Variants in CCDC85A observed in about 807,000 individuals in gnomAD.
CCDC85A encodes the protein coiled-coil domain-containing protein 85A.
In CCDC85A, 38 loss-of-function variants were observed where a neutral mutation model predicts 50.2. The ratio of observed to expected loss-of-function variants is 0.76; its 90% CI spans 0.58 to 0.99. The LOEUF is 0.99. CCDC85A is among the 50% of genes least tolerant of loss of function. The pLI, the probability that CCDC85A is intolerant of heterozygous loss-of-function variation, is 0.00. For synonymous variants in CCDC85A, 366 were observed against 301.4 expected (o/e 1.21, Z -2.22); for missense variants, 820 against 742.0 (o/e 1.11, Z -1.22).
intron 2 of CCDC85A, among the ~76,000 whole-genome samples, chr2:56,333,143 TTTGATG>T (rs1361476817): frequency 6.6e-6 from 1 of 152,158 alleles, no homozygotes. Flanking sequence ...GTTGAAGTCT[TTTGATG>T]AAAATAAAGT....
rs570093226 is a variant in CCDC85A at position 56,348,842 on chromosome 2, G to A, written c.1317+5887G>A. ...TTTGCTGTGGCGATAGATATGTATC[G>A]TTTTGCCTCTTTATCCTTTTCACAT... On this transcript the variant is annotated intron_variant, in intron 3 of 5. Coordinates refer to ENST00000407595, the MANE Select transcript of CCDC85A (RefSeq NM_001080433.2). Among the ~76,000 whole-genome samples, 11 of 152,236 alleles carry A rather than the reference G, an allele frequency of 7.2e-5. 1 individual carries two copies. The highest frequency in any genetic ancestry group is 2.2e-4 in the African/African-American group (9 of 41,522).
Position 56,385,835 on chromosome 2 carries a change from CATA to C in CCDC85A, c.*1483_*1485del, listed in dbSNP as rs1397364731. 1 of 151,584 alleles carries C rather than the reference CATA, an allele frequency of 6.6e-6. No homozygotes were observed. Among genetic ancestry groups the C allele is most frequent in the Non-Finnish European group, 1.5e-5 (1 of 67,714 alleles). The allele number at this position is 151,584 out of a possible 1,614,324, so 9.4% of individuals were successfully genotyped here. ...ACTATAGAATTATCTCTCTAATTAT[CATA>C]ATTGGGTTACAATTTAAGCTCCCCT... On this transcript the variant is annotated 3_prime_UTR_variant, in exon 6 of 6. Coordinates refer to ENST00000407595, the MANE Select transcript of CCDC85A (RefSeq NM_001080433.2).
At chr2:56,360,489 T>A (rs532341297) in intron 3 of CCDC85A, among the ~76,000 whole-genome samples, 3 of 152,376 alleles carry the variant, frequency 2.0e-5, no homozygotes, top group Non-Finnish European at 4.4e-5. Flanking sequence ...TACTACTGGT[T>A]AACCAGATTG....
intron 2 of CCDC85A, among the ~76,000 whole-genome samples, chr2:56,320,160 GC>G (rs1673107927): frequency 6.6e-6 from 1 of 152,134 alleles, no homozygotes; most frequent in East Asian, 1.9e-4. Flanking sequence ...GAAATTTATA[GC>G]ACTAAATGCC....
At chr2:56,367,849 GT>G (rs2104383411) in intron 3 of CCDC85A, among the ~76,000 whole-genome samples, 1 of 152,236 alleles carries the variant, frequency 6.6e-6, no homozygotes, top group East Asian at 1.9e-4. Context: ...GCCAGACACT[GT>G]TTTAAAAGCT....
At chr2:56,315,932 A>G (rs576487455) in intron 2 of CCDC85A, among the ~76,000 whole-genome samples, 1 of 152,212 alleles carries the variant, frequency 6.6e-6, no homozygotes, top group South Asian at 2.1e-4. Flanking sequence ...ATGTAACTAG[A>G]ATAACTGAGG....
chr2:56,251,365 G>T (rs1558606318), intron 2 of CCDC85A, among the ~76,000 whole-genome samples: 1 of 152,216 alleles, frequency 6.6e-6, no homozygotes, highest in Non-Finnish European at 1.5e-5. Context: ...GAAAATAAGG[G>T]TTGCTGTTTG....
At chr2:56,200,638 C>G (rs1053917325) in intron 2 of CCDC85A, among the ~76,000 whole-genome samples, 57 of 152,072 alleles carry the variant, frequency 3.7e-4, no homozygotes, top group African/African-American at 1.3e-3. Context: ...AGCAGAGAGG[C>G]AGGAGAGGTG....
chr2:56,245,155 G>A (rs944829478), intron 2 of CCDC85A, among the ~76,000 whole-genome samples: 1 of 152,204 alleles, frequency 6.6e-6, no homozygotes, highest in Non-Finnish European at 1.5e-5. Flanking sequence ...AGGAGTTGCA[G>A]TCCTTGTGGT....
intron 2 of CCDC85A, among the ~76,000 whole-genome samples, chr2:56,307,092 C>G (rs985972008): frequency 6.6e-6 from 1 of 151,990 alleles, no homozygotes; most frequent in African/African-American, 2.4e-5. Context: ...TCAGAAAAAT[C>G]TAGGGGATTA....
chr2:56,269,310 C>G (rs527669969), intron 2 of CCDC85A, among the ~76,000 whole-genome samples: 36 of 148,516 alleles, frequency 2.4e-4, no homozygotes, highest in South Asian at 4.4e-4. Flanking sequence ...AATGCCCATG[C>G]ACACTACCAT....
intron 2 of CCDC85A, among the ~76,000 whole-genome samples, chr2:56,259,193 G>T (rs773549236): frequency 1.3e-5 from 2 of 152,224 alleles, no homozygotes; most frequent in Non-Finnish European, 2.9e-5. Context: ...GCCTAGAATG[G>T]TGGGGAGTAC....
intron 2 of CCDC85A, among the ~76,000 whole-genome samples, chr2:56,226,132 T>C (rs1468310953): frequency 6.6e-6 from 1 of 152,186 alleles, no homozygotes; most frequent in Non-Finnish European, 1.5e-5. Flanking sequence ...TAATGAACTG[T>C]GGTTAAGACT....
intron 3 of CCDC85A, among the ~76,000 whole-genome samples, chr2:56,350,485 C>T (rs1013610429): frequency 2.6e-5 from 4 of 152,166 alleles, no homozygotes; most frequent in African/African-American, 4.8e-5. Flanking sequence ...AGTAAGGTAA[C>T]AGGCTCATAG....
chr2:56,192,527 C>T lies in CCDC85A; in HGVS notation c.327C>T (p.Cys109=). The T allele has an allele frequency of 6.2e-7, 1 of 1,613,870 alleles. No individual in the cohort carries two copies. The change falls in exon 2 of 6, where the codon TGC becomes TGT. Residue 109 remains cysteine, a synonymous_variant. Coordinates refer to ENST00000407595, the MANE Select transcript of CCDC85A (RefSeq NM_001080433.2). The surrounding 1 kb of genome is among the most constrained non-coding windows in gnomAD (Gnocchi z 4.7). ...ACAACCAGGAACTGAGGGACCTCTG[C>T]TGTTTCCTGGATGATGACCGGCAGA... The part of the protein sequence containing the change: ...QEDNQELRDL[C]CFLDDDRQKG...
chr2:56,278,075 C>G (rs1671040359), intron 2 of CCDC85A, among the ~76,000 whole-genome samples: 1 of 152,086 alleles, frequency 6.6e-6, no homozygotes. Flanking sequence ...GCCTAGAGCT[C>G]AGGACATTAG....
At chr2:56,352,377 C>T (rs1165894608) in intron 3 of CCDC85A, among the ~76,000 whole-genome samples, 1 of 152,090 alleles carries the variant, frequency 6.6e-6, no homozygotes, top group African/African-American at 2.4e-5. Context: ...TCGAGACAGG[C>T]ACTCGCTCTA....
intron 2 of CCDC85A, among the ~76,000 whole-genome samples, chr2:56,245,934 A>G (rs1277360470): frequency 6.6e-6 from 1 of 152,156 alleles, no homozygotes; most frequent in Non-Finnish European, 1.5e-5. Flanking sequence ...ATTCTGTATA[A>G]ATTACCGAGT....
Position 56,295,124 on chromosome 2 carries a change from TG to T in CCDC85A, c.1241-47754del, listed in dbSNP as rs201399821. Among the ~76,000 whole-genome samples, 1,113 of 147,018 alleles carry T rather than the reference TG, an allele frequency of 7.6e-3. 12 individuals carry two copies. Among genetic ancestry groups the T allele is most frequent in the African/African-American group, 0.027 (1,040 of 37,972 alleles). ...TTAGATTTTCACTGAATGGACCAGT[TG>T]TTTTGGATTTTTTTTTAATTTTAAT... is the stretch of plus-strand genomic sequence containing the variant. On this transcript the variant is annotated intron_variant, in intron 2 of 5. Transcript: ENST00000407595.
Sources: gnomAD v4.1 joint callset for allele counts (sites outside exome capture counted in the v4.1 genomes callset) on GRCh38, gnomAD v4.1.1 for gene constraint, Gnocchi (gnomAD v3.1) non-coding constraint, MANE v1.5 for transcripts, NCBI Gene and HGNC (gene_info 2026-07-23, HGNC 2026-07-21) for gene names.